CACNA1C: variants seen among roughly 807,000 people sequenced by gnomAD.
The protein encoded by CACNA1C is voltage-dependent L-type calcium channel subunit alpha-1C.
A neutral mutation model predicts 229.0 loss-of-function variants in CACNA1C; 30 were observed. The ratio of observed to expected loss-of-function variants is 0.13; its 90% CI spans 0.10 to 0.18. The LOEUF (loss-of-function observed/expected upper bound fraction) is 0.18, where lower values mean the gene tolerates loss of function less well. Ranked by LOEUF, CACNA1C falls within the 10% of genes least tolerant of loss-of-function variation. The pLI is 1.00. For missense variants in CACNA1C, 1,658 were observed against 2,845.0 expected (o/e 0.58, Z 9.49); for synonymous variants, 1,114 against 1,132.5 (o/e 0.98, Z 0.33).
chr12:2,067,778 C>A lies in CACNA1C; in HGVS notation c.49+14167C>A, dbSNP rs1309109204. Reference sequence around the variant, plus strand: ...ACGGTAGAAAGGAGGAGTGATGGGGCAATCAAGACCACAAGTGCCAACCTC... The same window carrying A: ...ACGGTAGAAAGGAGGAGTGATGGGGAAATCAAGACCACAAGTGCCAACCTC... On this transcript the variant is annotated intron_variant, in intron 1 of 46. Coordinates refer to ENST00000399655, the MANE Select transcript of CACNA1C (RefSeq NM_000719.7). This position sits in a 1 kb window ranked among gnomAD's most constrained non-coding sequence, Gnocchi z 5.3. 6.6e-6 allele frequency among the ~76,000 whole-genome samples: 1 copy of A among 152,048 alleles called. No individual in the cohort carries two copies. The highest frequency in any genetic ancestry group is 1.5e-5 in the Non-Finnish European group (1 of 68,006).
rs559772295 is a variant in CACNA1C at position 2,278,908 on chromosome 12, T to G, written c.477+158478T>G. ...CACCAACACCTGGTGTGGTCAGTATTTTTAATTTTAATTTTAGTCATTATA... is the reference window on the plus strand; with the variant it reads ...CACCAACACCTGGTGTGGTCAGTATGTTTAATTTTAATTTTAGTCATTATA... On this transcript the variant is annotated intron_variant, in intron 3 of 46. Transcript: ENST00000399655. Among the ~76,000 whole-genome samples, 47 of 152,356 alleles carry G rather than the reference T, an allele frequency of 3.1e-4. No homozygotes were observed. The South Asian group carries it at 8.9e-3, about 29-fold the overall frequency.
At chr12:2,166,321 A>G (rs1009999490) in intron 3 of CACNA1C, among the ~76,000 whole-genome samples, 7 of 152,234 alleles carry the variant, frequency 4.6e-5, no homozygotes, top group African/African-American at 1.7e-4. Flanking sequence ...ACCCCTTTGG[A>G]AGGGAAGAGA....
intron 4 of CACNA1C, among the ~76,000 whole-genome samples, chr12:2,456,542 G>C (rs758229): frequency 0.63 from 95,084 of 152,036 alleles, 30,200 homozygotes; most frequent in East Asian, 0.87. Context: ...CACACTGGTC[G>C]CTGCTGTTCC....
Position 2,419,836 on chromosome 12 carries a change from C to G in CACNA1C, c.478-29140C>G, listed in dbSNP as rs558924203. 8.5e-5 allele frequency among the ~76,000 whole-genome samples: 13 copies of G among 152,266 alleles called. No individual in the cohort carries two copies. In the East Asian group the frequency reaches 2.5e-3, roughly 29 times the overall value. On this transcript the variant is annotated intron_variant, in intron 3 of 46. Coordinates refer to ENST00000399655, the MANE Select transcript of CACNA1C (RefSeq NM_000719.7). ...ACTCTGCAATCCAACCTCAACCACA[C>G]GGGAGAGAGGGCAGCCAGTGCTGAG... is the stretch of plus-strand genomic sequence containing the variant.
At chr12:2,362,667 G>A (rs2097588544) in intron 3 of CACNA1C, among the ~76,000 whole-genome samples, 1 of 152,204 alleles carries the variant, frequency 6.6e-6, no homozygotes, top group Non-Finnish European at 1.5e-5. Context: ...TCAGTGTTTT[G>A]ATGGAGAAAG....
At chr12:2,088,261 T>C (rs1307414954) in intron 1 of CACNA1C, among the ~76,000 whole-genome samples, 4 of 152,244 alleles carry the variant, frequency 2.6e-5, no homozygotes, top group Non-Finnish European at 5.9e-5. Flanking sequence ...AAATAGCTCT[T>C]TAAATGTGTG....
At chr12:2,408,629 A>T (rs547356830) in intron 3 of CACNA1C, among the ~76,000 whole-genome samples, 1 of 149,514 alleles carries the variant, frequency 6.7e-6, no homozygotes, top group East Asian at 2.0e-4. Flanking sequence ...GAGTCTTTTT[A>T]TGTTTCTTTT....
At chr12:2,636,432 G>A (rs1441086447) in intron 30 of CACNA1C, among the ~76,000 whole-genome samples, 1 of 152,242 alleles carries the variant, frequency 6.6e-6, no homozygotes, top group Non-Finnish European at 1.5e-5. Flanking sequence ...AGGGGGCTCT[G>A]TTGGGGATAG....
At chr12:2,041,000 A>G (rs977707172) in intron 1 of CACNA1C, among the ~76,000 whole-genome samples, 8 of 152,210 alleles carry the variant, frequency 5.3e-5, no homozygotes. Context: ...TCTAGGCTGT[A>G]AATGAAAATA....
chr12:2,543,888 C>G (rs1235504989), intron 9 of CACNA1C, among the ~76,000 whole-genome samples: 1 of 152,298 alleles, frequency 6.6e-6, no homozygotes, highest in Non-Finnish European at 1.5e-5. Flanking sequence ...AATGCTTCTG[C>G]ATGGAAGGCG....
At chr12:2,310,304 G>C (rs566366543) in intron 3 of CACNA1C, among the ~76,000 whole-genome samples, 2 of 151,100 alleles carry the variant, frequency 1.3e-5, no homozygotes, top group South Asian at 4.2e-4. Flanking sequence ...CAACAGGAAA[G>C]ATGGGGCAAC....
At chr12:2,675,292 A>C (rs2153770198) in intron 39 of CACNA1C, among the ~76,000 whole-genome samples, 1 of 152,366 alleles carries the variant, frequency 6.6e-6, no homozygotes, top group South Asian at 2.1e-4. Context: ...AGGCATAACT[A>C]TACCAGCAGG....
chr12:2,637,150 C>A (rs2092842704), intron 30 of CACNA1C, among the ~76,000 whole-genome samples: 1 of 152,248 alleles, frequency 6.6e-6, no homozygotes, highest in African/African-American at 2.4e-5. Context: ...AGTCTTGCTG[C>A]TGCTTCCTGT....
Position 2,097,370 on chromosome 12 carries a change from T to C in CACNA1C, c.50-17854T>C, listed in dbSNP as rs577937470. Among the ~76,000 whole-genome samples the C allele has an allele frequency of 7.9e-5, 12 of 152,098 alleles. No individual in the cohort carries two copies. In the South Asian group the frequency reaches 2.5e-3, roughly 32 times the overall value. On this transcript the variant is annotated intron_variant, in intron 1 of 46. Transcript: ENST00000399655. ...ACCATGTTAGCCAGGATAGTCTCGA[T>C]CTCCTGACCTTGTGATCCGCCCGCC...
Position 2,065,467 on chromosome 12 carries a change from G to C in CACNA1C, c.49+11856G>C, listed in dbSNP as rs1010978100. 5.9e-5 allele frequency among the ~76,000 whole-genome samples: 9 copies of C among 152,296 alleles called. No homozygotes were observed. The East Asian group carries it at 1.7e-3, about 29-fold the overall frequency. ...ATTAACAAAAAGTTATTGAGCGTCT[G>C]CTATCTGCAAGGCAGTTTGCTTATA... On this transcript the variant is annotated intron_variant, in intron 1 of 46. Transcript: ENST00000399655.
chr12:2,644,461 T>C (rs1172866228), intron 30 of CACNA1C, among the ~76,000 whole-genome samples: 1 of 152,240 alleles, frequency 6.6e-6, no homozygotes, highest in East Asian at 1.9e-4. Context: ...TTGGCTGTGC[T>C]TTAAAAAAAT....
chr12:2,066,881 G>A lies in CACNA1C; in HGVS notation c.49+13270G>A, dbSNP rs60598648. On this transcript the variant is annotated intron_variant, in intron 1 of 46. Coordinates refer to ENST00000399655, the MANE Select transcript of CACNA1C (RefSeq NM_000719.7). ...TGGAAAGGAGGACAGGAGGGGCCTC[G>A]GGCAGGGGTGCTGAATCCTGGGAGG... Among the ~76,000 whole-genome samples the A allele has an allele frequency of 2.2e-3, 341 of 152,150 alleles. 3 individuals carry two copies. The highest frequency in any genetic ancestry group is 7.8e-3 in the African/African-American group (323 of 41,498).
At position 2,287,409 on chromosome 12, in the gene CACNA1C, G is replaced by A. The variant is rs1566888315; in HGVS notation, c.478-161567G>A. Among the ~76,000 whole-genome samples, 3 of 152,306 alleles carry A rather than the reference G, an allele frequency of 2.0e-5. No individual in the cohort carries two copies. The highest frequency in any genetic ancestry group is 4.1e-4 in the South Asian group (2 of 4,824). ...GAGAAATGAGGGAATGAGAATGAAC[G>A]TGGCTGCTCGTGTGTTCCGTGGCTG... On this transcript the variant is annotated intron_variant, in intron 3 of 46. Coordinates refer to ENST00000399655, the MANE Select transcript of CACNA1C (RefSeq NM_000719.7). This position sits in a 1 kb window ranked among gnomAD's most constrained non-coding sequence, Gnocchi z 4.6.
At chr12:2,438,809 G>A (rs2239078) in intron 3 of CACNA1C, among the ~76,000 whole-genome samples, 12,059 of 152,094 alleles carry the variant, frequency 0.079, 624 homozygotes, top group African/African-American at 0.14. Context: ...GGGCCTGAGT[G>A]GGGAGAGGCC....
Sources: allele counts gnomAD v4.1 joint callset (sites outside exome capture counted in the v4.1 genomes callset), GRCh38; gene constraint gnomAD v4.1.1; non-coding constraint Gnocchi (gnomAD v3.1); transcripts MANE v1.5; gene names NCBI Gene and HGNC (gene_info 2026-07-23, HGNC 2026-07-21).